The following CNTROB variants were observed in gnomAD, a reference collection of about 807,000 sequenced individuals.
CNTROB encodes centrobin, centriole duplication and spindle assembly protein, also known as centrobin.
A neutral mutation model predicts 115.7 loss-of-function variants in CNTROB; 82 were observed. The ratio of observed to expected loss-of-function variants is 0.71; its 90% CI spans 0.59 to 0.85. The LOEUF is 0.85. CNTROB is among the 40% of genes least tolerant of loss of function. The probability of loss-of-function intolerance (pLI) is 0.00; values close to 1 mark genes in which losing one functional copy is unlikely to be tolerated. For missense variants in CNTROB, 1,014 were observed against 1,144.4 expected (o/e 0.89, Z 1.64); for synonymous variants, 439 against 456.4 (o/e 0.96, Z 0.49).
At chr17:7,934,411 CCT>C in intron 2 of CNTROB, 52 bp from the exon 3 acceptor site, 2 of 1,542,036 alleles carry the variant, frequency 1.3e-6, no homozygotes, top group African/African-American at 1.4e-5. Context: ...TCAGGTGGCC[CCT>C]GTTTTTGTCA....
chr17:7,936,785 G>A lies in CNTROB; in HGVS notation c.796G>A (p.Ala266Thr). Residue 266 changes from alanine to threonine, a missense_variant, in exon 6 of 19, where the codon GCA becomes ACA. By Grantham distance (58) the Ala-to-Thr change is moderately conservative (BLOSUM62 0). Coordinates refer to ENST00000563694, the MANE Select transcript of CNTROB (RefSeq NM_053051.5). ...VLRGLQEEHQ[A>T]AELTRSKQQE... ...CAGGGGACTTCAAGAGGAACACCAGGCAGCAGAGCTCACCAGAAGCAAGCA... is the reference window on the plus strand; with the variant it reads ...CAGGGGACTTCAAGAGGAACACCAGACAGCAGAGCTCACCAGAAGCAAGCA... The A allele has an allele frequency of 6.6e-7, 1 of 1,513,448 alleles. No individual in the cohort carries two copies. The highest frequency in any genetic ancestry group is 9.2e-7 in the Non-Finnish European group (1 of 1,088,072). 93.8% of individuals were successfully genotyped at this position (1,513,448 alleles called of 1,614,324 possible).
Position 7,937,200 on chromosome 17 carries a change from A to C in CNTROB, c.865A>C (p.Met289Leu). The change falls in exon 7 of 19, where the codon ATG (methionine) becomes CTG (leucine). Residue 289 changes from methionine (M) to leucine (L), a missense_variant. Met to Leu is a conservative substitution (Grantham distance 15). Transcript: ENST00000563694. ...CCTGGAACAAAGCCTTTCTGAGGCC[A>C]TGGAGGCCCTGAATCGTGAGCAGGA... is the stretch of plus-strand genomic sequence containing the variant. ...TRLEQSLSEA[M>L]EALNREQESA... The C allele has an allele frequency of 6.2e-7, 1 of 1,614,220 alleles. No homozygotes were observed. Among genetic ancestry groups the C allele is most frequent in the Non-Finnish European group, 8.5e-7 (1 of 1,180,024 alleles).
chr17:7,933,492 A>C (rs1193873991), intron 1 of CNTROB, 143 bp downstream of exon 1: 1 of 892,828 alleles, frequency 1.1e-6, no homozygotes, highest in Non-Finnish European at 1.7e-6. Context: ...ATAGGCAGCC[A>C]TGCTTATAAG....
Position 7,939,386 on chromosome 17 carries a change from A to C in CNTROB, c.928-127A>C, listed in dbSNP as rs1973574749. The C allele has an allele frequency of 2.5e-6, 2 of 814,898 alleles. No homozygotes were observed. Among genetic ancestry groups the C allele is most frequent in the Admixed American group, 4.3e-5 (2 of 46,486 alleles). 50.5% of individuals were successfully genotyped at this position (814,898 alleles called of 1,614,324 possible). On this transcript the variant is annotated intron_variant, in intron 7 of 18. Transcript: ENST00000563694. The surrounding 1 kb of genome is among the most constrained non-coding windows in gnomAD (Gnocchi z 4.4). The stretch of plus-strand genomic sequence containing the variant: ...TGGGATTACAGGTGTGAGCCACCGC[A>C]CCCGGCCTAATTATTGTGTTTTTAA...
At position 7,948,461 on chromosome 17, in the gene CNTROB, C is replaced by T; in HGVS notation, c.2381-26C>T. On this transcript the variant is annotated intron_variant, in intron 16 of 18. Coordinates refer to ENST00000563694, the MANE Select transcript of CNTROB (RefSeq NM_053051.5). This position sits in a 1 kb window ranked among gnomAD's most constrained non-coding sequence, Gnocchi z 4.4. ...TGGGGAGACAGGCCCTAGGATGACG[C>T]CTGTGATTATTGCGATGTCTGTCAG... 6.2e-7 allele frequency: 1 copy of T among 1,613,926 alleles called. No homozygotes were observed. The highest frequency in any genetic ancestry group is 1.3e-5 in the African/African-American group (1 of 75,022).
At position 7,949,493 on chromosome 17, in the gene CNTROB, G is replaced by A. The variant is rs555275116; in HGVS notation, c.2695G>A (p.Gly899Arg). The A allele has an allele frequency of 2.5e-6, 4 of 1,613,402 alleles. No homozygotes were observed. The African/African-American group carries it at 5.3e-5, about 22-fold the overall frequency. The change falls in exon 19 of 19, where the codon GGG becomes AGG. Residue 899 changes from glycine (G) to arginine (R), a missense_variant. Coordinates refer to ENST00000563694, the MANE Select transcript of CNTROB (RefSeq NM_053051.5). ...TGCCCCGAGTAGCATGAGGAGCCGGGGGGGAGTCTGGAGATGAGCCCCCCT... is the reference window on the plus strand; with the variant it reads ...TGCCCCGAGTAGCATGAGGAGCCGGAGGGGAGTCTGGAGATGAGCCCCCCT... ...HPAPSSMRSR[G>R]GVWR
chr17:7,932,252 TGA>T lies in CNTROB; in HGVS notation c.-824_-823del, dbSNP rs1439275275. On this transcript the variant is annotated 5_prime_UTR_variant, in exon 1 of 19. Coordinates refer to ENST00000563694, the MANE Select transcript of CNTROB (RefSeq NM_053051.5). ...ACGGTTTTGAGCGTAGGGGGAGGCG[TGA>T]GAGGGGGATCTCAGGGGAGGAGGTC... 4 of 202,472 alleles carry T rather than the reference TGA, an allele frequency of 2.0e-5. No homozygotes were observed. The highest frequency in any genetic ancestry group is 4.1e-5 in the Non-Finnish European group (4 of 98,134). The allele number at this position is 202,472 out of a possible 1,614,324, so 12.5% of individuals were successfully genotyped here.
chr17:7,948,750 G>T lies in CNTROB; in HGVS notation c.2513+131G>T. 6.3e-7 allele frequency: 1 copy of T among 1,597,378 alleles called. No homozygotes were observed. The highest frequency in any genetic ancestry group is 8.6e-7 in the Non-Finnish European group (1 of 1,168,364). ...GGAGGAAAGTGAAGGATGAGAGGTG[G>T]ATCCACAGATCTTCTCTAACTGCCC... On this transcript the variant is annotated intron_variant, in intron 17 of 18. Coordinates refer to ENST00000563694, the MANE Select transcript of CNTROB (RefSeq NM_053051.5). The surrounding 1 kb of genome is among the most constrained non-coding windows in gnomAD (Gnocchi z 4.4).
In CNTROB at chr17:7,933,727, G is replaced by A. The variant is rs144727612; in HGVS notation, c.270+378G>A. 4.1e-4 allele frequency among the ~76,000 whole-genome samples: 62 copies of A among 152,298 alleles called. No individual in the cohort carries two copies. In the East Asian group the frequency reaches 9.3e-3, roughly 23 times the overall value. The stretch of plus-strand genomic sequence containing the variant: ...CAGCTCAACACTATGTTGATAGTAT[G>A]GTTCCAACTTTGGCATGTACATCAT... On this transcript the variant is annotated intron_variant, in intron 1 of 18. Transcript: ENST00000563694.
At chr17:7,935,183 T>G (rs1973007662) in intron 4 of CNTROB, 38 bp downstream of exon 4, 1 of 1,612,266 alleles carries the variant, frequency 6.2e-7, no homozygotes, top group Non-Finnish European at 8.5e-7. Context: ...GCAGCAAAGA[T>G]TAGAAAGAGG....
Position 7,934,218 on chromosome 17 carries a change from C to G in CNTROB, c.351C>G (p.Ala117=), listed in dbSNP as rs759496546. Residue 117 remains alanine, a synonymous_variant, in exon 2 of 19, where the codon GCC becomes GCG. Coordinates refer to ENST00000563694, the MANE Select transcript of CNTROB (RefSeq NM_053051.5). ...TGCTCCAAACCTCACGTGATACAGC[C>G]TATCGTGAGTAAGCCCCTTCCCTAG... The part of the protein sequence containing the change: ...QTMLQTSRDT[A]YRDPLIPGAG... 1 of 1,613,310 alleles carries G rather than the reference C, an allele frequency of 6.2e-7. No homozygotes were observed. Among genetic ancestry groups the G allele is most frequent in the Admixed American group, 1.7e-5 (1 of 60,026 alleles).
rs878990048 is a variant in CNTROB at position 7,933,024 on chromosome 17, G to A, written c.-56G>A. The A allele has an allele frequency of 2.5e-6, 4 of 1,573,154 alleles. No homozygotes were observed. In the South Asian group the frequency reaches 3.5e-5, roughly 14 times the overall value. On this transcript the variant is annotated 5_prime_UTR_variant, in exon 1 of 19. Coordinates refer to ENST00000563694, the MANE Select transcript of CNTROB (RefSeq NM_053051.5). ...CCGTGAACTTTTCCTCCTGGACTTT[G>A]CTAAAGCAGAACCTCCCAGCTCTTT... is the stretch of plus-strand genomic sequence containing the variant.
rs928390323 is a variant in CNTROB at position 7,948,838 on chromosome 17, C to G, written c.2513+219C>G. 61 of 1,460,082 alleles carry G rather than the reference C, an allele frequency of 4.2e-5. No homozygotes were observed. The highest frequency in any genetic ancestry group is 5.5e-5 in the Non-Finnish European group (61 of 1,106,122). 90.4% of individuals were successfully genotyped at this position (1,460,082 alleles called of 1,614,324 possible). The stretch of plus-strand genomic sequence containing the variant: ...TTCTTCTAAACAAAAAAATCTTTTC[C>G]CCGGGTCTCTCTACCTTCGTTTTTT... On this transcript the variant is annotated intron_variant, in intron 17 of 18. Transcript: ENST00000563694. This position sits in a 1 kb window ranked among gnomAD's most constrained non-coding sequence, Gnocchi z 4.4.
chr17:7,947,973 A>G lies in CNTROB; in HGVS notation c.2203A>G (p.Lys735Glu). The change falls in exon 15 of 19, where the codon AAG becomes GAG. Residue 735 changes from lysine (K) to glutamate (E), a missense_variant. Transcript: ENST00000563694. The part of the protein sequence containing the change: ...ENPSVDLLPP[K>E]SGPLTVPSWE... Reference sequence around the variant, plus strand: ...CCCTTCTGTCGACCTGTTGCCCCCTAAGTCTGGTGAGTTCCAACTCTGAAG... The same window carrying G: ...CCCTTCTGTCGACCTGTTGCCCCCTGAGTCTGGTGAGTTCCAACTCTGAAG... 1 of 1,613,350 alleles carries G rather than the reference A, an allele frequency of 6.2e-7. No individual in the cohort carries two copies. The highest frequency in any genetic ancestry group is 1.1e-5 in the South Asian group (1 of 91,064).
intron 12 of CNTROB, 145 bp from the exon 13 acceptor site, chr17:7,945,583 T>G (rs1974432561): frequency 2.3e-6 from 2 of 857,272 alleles, no homozygotes; most frequent in Non-Finnish European, 3.5e-6. Flanking sequence ...ACTGCCAGCC[T>G]CAAACGGTCC....
intron 13 of CNTROB, 140 bp downstream of exon 13, chr17:7,946,126 T>A: frequency 1.4e-6 from 1 of 731,182 alleles, no homozygotes; most frequent in Admixed American, 2.4e-5. Context: ...GGAGCAGAAA[T>A]CTGCTCACAT....
In CNTROB at chr17:7,932,697, A is replaced by G. The variant is rs1972651198; in HGVS notation, c.-383A>G. The G allele has an allele frequency of 5.2e-6, 1 of 191,804 alleles. No individual in the cohort carries two copies. The highest frequency in any genetic ancestry group is 1.1e-5 in the Non-Finnish European group (1 of 94,642). The allele number at this position is 191,804 out of a possible 1,614,324, so 11.9% of individuals were successfully genotyped here. ...CCGTTGGGACGTTTTGGGTGTGAGA[A>G]CTTAAGAGCTCAGTTGACCGGGGAT... On this transcript the variant is annotated 5_prime_UTR_variant, in exon 1 of 19. Coordinates refer to ENST00000563694, the MANE Select transcript of CNTROB (RefSeq NM_053051.5).
rs1598078282 is a variant in CNTROB, at chr17:7,939,001, A to C, written c.928-512A>C. 1.3e-5 allele frequency among the ~76,000 whole-genome samples: 2 copies of C among 151,846 alleles called. No homozygotes were observed. The highest frequency in any genetic ancestry group is 2.1e-4 in the South Asian group (1 of 4,822). ...ACCATGTTGGCCAGGCTGGTCCCAA[A>C]CTCCTGACCTCAGATGATCTGCCTG... is the stretch of plus-strand genomic sequence containing the variant. On this transcript the variant is annotated intron_variant, in intron 7 of 18. Transcript: ENST00000563694. The surrounding 1 kb of genome is among the most constrained non-coding windows in gnomAD (Gnocchi z 4.4).
chr17:7,932,349 G>GATCTACACTGACT lies in CNTROB; in HGVS notation c.-731_-730insATCTACACTGACT. 1 of 166,540 alleles carries GATCTACACTGACT rather than the reference G, an allele frequency of 6.0e-6. No individual in the cohort carries two copies. The highest frequency in any genetic ancestry group is 1.8e-4 in the East Asian group (1 of 5,568). 10.3% of individuals were successfully genotyped at this position (166,540 alleles called of 1,614,324 possible). A position where few individuals can be genotyped will look rare whatever the true frequency, so the allele number is the denominator to read the frequency against. On this transcript the variant is annotated 5_prime_UTR_variant, in exon 1 of 19. Transcript: ENST00000563694. ...AAGGGTGGAGAGTAGGCGGAACCAG[G>GATCTACACTGACT]TGGTCGTCGGGGCAGAGGATCTCGG...
Sources: allele counts gnomAD v4.1 joint callset (sites outside exome capture counted in the v4.1 genomes callset), GRCh38; gene constraint gnomAD v4.1.1; non-coding constraint Gnocchi (gnomAD v3.1); transcripts MANE v1.5; gene names NCBI Gene and HGNC (gene_info 2026-07-23, HGNC 2026-07-21).